Variants in NFAT5 observed in about 807,000 individuals in gnomAD.
NFAT5 encodes the protein nuclear factor of activated T cells 5.
In NFAT5, 31 loss-of-function variants were observed where a neutral mutation model predicts 166.5. The ratio of observed to expected loss-of-function variants is 0.19; its 90% CI spans 0.14 to 0.25. The LOEUF (loss-of-function observed/expected upper bound fraction) is 0.25. NFAT5 is among the 10% of genes least tolerant of loss of function. NFAT5 has a pLI of 1.00. For missense variants in NFAT5, 1,449 were observed against 1,821.8 expected, an observed-to-expected ratio of 0.80 and a Z score of 3.72; for synonymous variants, 612 against 639.7, an observed-to-expected ratio of 0.96 and a Z score of 0.65.
At chr16:69,660,740 A>G (rs900288461) in intron 7 of NFAT5, among the ~76,000 whole-genome samples, 3 of 151,994 alleles carry the variant, frequency 2.0e-5, no homozygotes, top group African/African-American at 7.2e-5. Flanking sequence ...CCATAATTGT[A>G]GTTTCTCTCT....
At chr16:69,659,131 T>A (rs28440807) in intron 6 of NFAT5, among the ~76,000 whole-genome samples, 38,838 of 140,972 alleles carry the variant, frequency 0.28, 5,367 homozygotes, top group East Asian at 0.51. Context: ...TTTTTTTATT[T>A]TTTTTTTTTT....
At chr16:69,661,082 C>CT (rs765529666) in intron 7 of NFAT5, among the ~76,000 whole-genome samples, 28,905 of 126,964 alleles carry the variant, frequency 0.23, 4,095 homozygotes, top group African/African-American at 0.34. Context: ...CCCCACCACC[C>CT]TTTTTTTTTT....
At position 69,702,165 on chromosome 16, in the gene NFAT5, C is replaced by T. The variant is rs1408844688; in HGVS notation, c.*5814C>T. On this transcript the variant is annotated 3_prime_UTR_variant, in exon 15 of 15. Coordinates refer to ENST00000349945, the MANE Select transcript of NFAT5 (RefSeq NM_138713.4). ...TTCTTAATACCCTATTGATATTATG[C>T]ACTTTAATCATTCCAAAGAAGCCAA... 6.6e-6 allele frequency: 1 copy of T among 152,618 alleles called. No individual in the cohort carries two copies. The highest frequency in any genetic ancestry group is 1.5e-5 in the Non-Finnish European group (1 of 68,040). The allele number at this position is 152,618 out of a possible 1,614,324, so 9.5% of individuals were successfully genotyped here. A position where few individuals can be genotyped will look rare whatever the true frequency, so the allele number is the denominator to read the frequency against.
intron 2 of NFAT5, among the ~76,000 whole-genome samples, chr16:69,590,826 A>G (rs2032416584): frequency 6.6e-6 from 1 of 152,244 alleles, no homozygotes; most frequent in Admixed American, 6.5e-5. Context: ...AGAGTGAGAT[A>G]AGAGACAAAG....
intron 4 of NFAT5, among the ~76,000 whole-genome samples, chr16:69,650,897 C>G (rs533599656): frequency 2.6e-5 from 4 of 152,262 alleles, no homozygotes; most frequent in African/African-American, 9.6e-5. Flanking sequence ...CATAGACTTT[C>G]ATGTGTGAGG....
At chr16:69,648,228 C>T (rs2035527109) in intron 4 of NFAT5, 2 of 983,322 alleles carry the variant, frequency 2.0e-6, no homozygotes, top group Non-Finnish European at 2.4e-6. Flanking sequence ...AATGTAATGA[C>T]TCCATCCAAA....
Position 69,647,020 on chromosome 16 carries a change from C to A in NFAT5, c.254-8C>A. 6.4e-7 allele frequency: 1 copy of A among 1,552,374 alleles called. No individual in the cohort carries two copies. Among genetic ancestry groups the A allele is most frequent in the Admixed American group, 1.9e-5 (1 of 52,276 alleles). On this transcript the variant is annotated splice_polypyrimidine_tract_variant and splice_region_variant and intron_variant, in intron 3 of 14. Coordinates refer to ENST00000349945, the MANE Select transcript of NFAT5 (RefSeq NM_138713.4). The surrounding 1 kb of genome is among the most constrained non-coding windows in gnomAD (Gnocchi z 4.8). ...ATAGTGTATTTACTCTTGAATTGTA[C>A]ACTGCAGATGCTTCTTCAGCTCCCT...
At chr16:69,621,816 A>T (rs892076854) in intron 2 of NFAT5, among the ~76,000 whole-genome samples, 6 of 152,026 alleles carry the variant, frequency 3.9e-5, no homozygotes, top group African/African-American at 1.5e-4. Flanking sequence ...AAGTTTTTTT[A>T]AAAAAATTAG....
chr16:69,631,162 C>T (rs187248843), intron 3 of NFAT5, among the ~76,000 whole-genome samples: 94 of 152,334 alleles, frequency 6.2e-4, no homozygotes, highest in African/African-American at 1.8e-3. Context: ...GCCGGGTACA[C>T]TGGCTCACGC....
intron 2 of NFAT5, among the ~76,000 whole-genome samples, chr16:69,584,420 C>T (rs1267206990): frequency 4.0e-5 from 6 of 151,376 alleles, no homozygotes; most frequent in Non-Finnish European, 8.8e-5. Flanking sequence ...CCTCCGCCTC[C>T]CAGGTTCAAA....
intron 2 of NFAT5, among the ~76,000 whole-genome samples, chr16:69,606,331 G>T (rs544550111): frequency 4.6e-5 from 7 of 152,234 alleles, no homozygotes; most frequent in African/African-American, 1.4e-4. Flanking sequence ...TGGCTGAACG[G>T]TACTTTAGGT....
chr16:69,595,602 T>C (rs1462224164), intron 2 of NFAT5, among the ~76,000 whole-genome samples: 1 of 152,254 alleles, frequency 6.6e-6, no homozygotes, highest in Non-Finnish European at 1.5e-5. Flanking sequence ...AAAACTAGCA[T>C]GAATAATTTC....
intron 10 of NFAT5, among the ~76,000 whole-genome samples, chr16:69,679,952 C>T (rs1024108569): frequency 6.6e-6 from 1 of 151,988 alleles, no homozygotes; most frequent in Non-Finnish European, 1.5e-5. Context: ...CCCATCTCTA[C>T]TAAAAATACA....
At chr16:69,658,312 A>G (rs543471908) in intron 6 of NFAT5, among the ~76,000 whole-genome samples, 2 of 151,548 alleles carry the variant, frequency 1.3e-5, no homozygotes, top group South Asian at 4.2e-4. Context: ...GCGAAACCCC[A>G]TCTCTACTAA....
chr16:69,649,571 T>C (rs1390791452), intron 4 of NFAT5: 2 of 982,754 alleles, frequency 2.0e-6, no homozygotes, highest in Non-Finnish European at 1.2e-6. Flanking sequence ...TCTTAGGTAA[T>C]GAAAAAAATA....
At chr16:69,612,280 A>C (rs1364919296) in intron 2 of NFAT5, among the ~76,000 whole-genome samples, 3 of 152,176 alleles carry the variant, frequency 2.0e-5, no homozygotes, top group African/African-American at 7.2e-5. Flanking sequence ...AGGGTTTTCA[A>C]CCCATTTGGA....
chr16:69,628,365 T>G (rs1316679447), intron 3 of NFAT5, among the ~76,000 whole-genome samples: 5 of 152,090 alleles, frequency 3.3e-5, no homozygotes, highest in African/African-American at 1.2e-4. Context: ...ATCTTGAAAT[T>G]ATTGACATTG....
At chr16:69,609,000 A>G (rs1290099166) in intron 2 of NFAT5, among the ~76,000 whole-genome samples, 1 of 151,548 alleles carries the variant, frequency 6.6e-6, no homozygotes, top group African/African-American at 2.4e-5. Flanking sequence ...AGGCATCTGT[A>G]GTCGCAGCTA....
Position 69,696,519 on chromosome 16 carries a change from C to G in NFAT5, c.*168C>G, listed in dbSNP as rs890664476. 3.3e-5 allele frequency: 5 copies of G among 152,588 alleles called. No individual in the cohort carries two copies. The highest frequency in any genetic ancestry group is 1.2e-4 in the African/African-American group (5 of 41,428). 9.5% of individuals were successfully genotyped at this position (152,588 alleles called of 1,614,324 possible). On this transcript the variant is annotated 3_prime_UTR_variant, in exon 15 of 15. Transcript: ENST00000349945. The stretch of plus-strand genomic sequence containing the variant: ...AAGAGCACACCTATGCTGCTTGTTG[C>G]AGTAACTAACCACCAATGTTAACAT...
Sources: allele counts gnomAD v4.1 joint callset (sites outside exome capture counted in the v4.1 genomes callset), GRCh38; gene constraint gnomAD v4.1.1; non-coding constraint Gnocchi (gnomAD v3.1); transcripts MANE v1.5; gene names NCBI Gene and HGNC (gene_info 2026-07-23, HGNC 2026-07-21).